The following ATP7A variants were observed in gnomAD, a reference collection of about 807,000 sequenced individuals.
ATP7A encodes ATPase copper transporting alpha.
ATP7A carries 7 observed loss-of-function variants against 83.5 expected under a neutral mutation model. That is an observed-to-expected ratio of 0.08 (90% CI 0.05 to 0.16). ATP7A has a LOEUF of 0.16. Among genes scored for constraint, ATP7A ranks in the 10% least tolerant of loss-of-function variants. The pLI is 1.00. For synonymous variants in ATP7A, 354 were observed against 395.2 expected (o/e 0.90, Z 1.24); for missense variants, 940 against 1,120.8 (o/e 0.84, Z 2.30).
chrX:78,009,411 T>A, intron 7 of ATP7A, 148 bp downstream of exon 7: 1 of 700,102 alleles, frequency 1.4e-6, no homozygotes, highest in Non-Finnish European at 2.2e-6. Flanking sequence ...AAATTTAATG[T>A]AAACGTGTCT....
chrX:78,023,999 C>G (rs1457419664), intron 14 of ATP7A, among the ~76,000 whole-genome samples: 2 of 111,264 alleles, frequency 1.8e-5, no homozygotes, highest in African/African-American at 6.5e-5. Context: ...AGTCCAGTTT[C>G]ATTCTTCTGC....
At chrX:78,045,718 C>A in intron 22 of ATP7A, 146 bp downstream of exon 22, 1 of 593,848 alleles carries the variant, frequency 1.7e-6, no homozygotes, top group Non-Finnish European at 2.7e-6. Flanking sequence ...CGTGGTGGCT[C>A]ACACCTGTAA....
intron 1 of ATP7A, chrX:77,964,668 T>G (rs1246922353): frequency 9.1e-6 from 1 of 109,805 alleles, no homozygotes; most frequent in Non-Finnish European, 1.9e-5. Flanking sequence ...ACATGCAGTG[T>G]TTGGTTTTCT....
intron 1 of ATP7A, chrX:77,969,263 T>C: frequency 8.3e-7 from 1 of 1,211,814 alleles, no homozygotes; most frequent in East Asian, 3.0e-5. Flanking sequence ...TCGGGCTCCA[T>C]CGGAGGTGGT....
chrX:77,938,745 A>C (rs1392553453), intron 1 of ATP7A, among the ~76,000 whole-genome samples: 2 of 112,524 alleles, frequency 1.8e-5, no homozygotes, highest in Non-Finnish European at 3.7e-5. Flanking sequence ...AGCACAGATT[A>C]TAAGAGTACT....
chrX:77,974,913 A>G (rs781951831), intron 2 of ATP7A: 1 of 268,114 alleles, frequency 3.7e-6, no homozygotes, highest in African/African-American at 2.8e-5. Context: ...GTTTTAGGGT[A>G]CATGTGCACA....
chrX:77,981,257 C>A (rs2077604083), intron 2 of ATP7A, among the ~76,000 whole-genome samples: 1 of 111,072 alleles, frequency 9.0e-6, no homozygotes, highest in Non-Finnish European at 1.9e-5. Flanking sequence ...GTAACATAGG[C>A]ATTTTTATTA....
intron 1 of ATP7A, among the ~76,000 whole-genome samples, chrX:77,949,407 G>A (rs542895043): frequency 8.9e-6 from 1 of 111,889 alleles, no homozygotes. Flanking sequence ...GTCGCTTCAC[G>A]TACAGCTATT....
intron 1 of ATP7A, among the ~76,000 whole-genome samples, chrX:77,931,465 T>G (rs2077274271): frequency 8.9e-6 from 1 of 112,223 alleles, no homozygotes; most frequent in Admixed American, 9.3e-5. Flanking sequence ...TCCCCACCTT[T>G]CCTCCCTTTC....
At chrX:77,994,126 C>T (rs782682553) in intron 4 of ATP7A, among the ~76,000 whole-genome samples, 8 of 110,663 alleles carry the variant, frequency 7.2e-5, no homozygotes, top group South Asian at 3.8e-4. Flanking sequence ...AGTGCAATGG[C>T]GCAATCTCGG....
intron 1 of ATP7A, among the ~76,000 whole-genome samples, chrX:77,940,151 A>G (rs1375988219): frequency 9.0e-6 from 1 of 111,355 alleles, no homozygotes; most frequent in African/African-American, 3.3e-5. Flanking sequence ...CAACAATTTT[A>G]AAAAGTAACA....
At chrX:77,926,229 C>A (rs1557223539) in intron 1 of ATP7A, among the ~76,000 whole-genome samples, 1 of 112,019 alleles carries the variant, frequency 8.9e-6, no homozygotes, top group Non-Finnish European at 1.9e-5. Flanking sequence ...ATGCATGCAT[C>A]CTACAAAGGC....
chrX:77,930,231 G>A (rs145362163), intron 1 of ATP7A, among the ~76,000 whole-genome samples: 1,410 of 111,507 alleles, frequency 0.013, 11 homozygotes, highest in South Asian at 0.048. Flanking sequence ...GAAGGGATTG[G>A]ACCTCTTAGT....
chrX:77,972,494 G>A (rs1478860893), intron 2 of ATP7A, among the ~76,000 whole-genome samples: 1 of 111,459 alleles, frequency 9.0e-6, no homozygotes, highest in Non-Finnish European at 1.9e-5. Context: ...TGGGATTACA[G>A]GCATGCGCCA....
chrX:78,021,831 C>A (rs950496331), intron 14 of ATP7A, among the ~76,000 whole-genome samples: 5 of 111,637 alleles, frequency 4.5e-5, no homozygotes, highest in African/African-American at 1.6e-4. Context: ...AGGTTGAAAA[C>A]TTTCAAGCCT....
intron 1 of ATP7A, among the ~76,000 whole-genome samples, chrX:77,967,138 T>C (rs2077512234): frequency 1.8e-5 from 2 of 111,909 alleles, no homozygotes; most frequent in African/African-American, 6.5e-5. Flanking sequence ...ACATTTTCTT[T>C]CTCCAGTCTA....
At chrX:77,934,637 C>T (rs781988546) in intron 1 of ATP7A, among the ~76,000 whole-genome samples, 1 of 110,712 alleles carries the variant, frequency 9.0e-6, no homozygotes, top group African/African-American at 3.3e-5. Context: ...CAACCCATCA[C>T]ATGAGGTCGG....
chrX:78,007,125 C>T (rs1417697924), intron 6 of ATP7A, among the ~76,000 whole-genome samples: 1 of 111,713 alleles, frequency 9.0e-6, no homozygotes, highest in African/African-American at 3.3e-5. Context: ...CATATCCCCA[C>T]CAACATTGTA....
At chrX:77,934,407 G>T (rs782086781) in intron 1 of ATP7A, among the ~76,000 whole-genome samples, 1 of 111,656 alleles carries the variant, frequency 9.0e-6, no homozygotes, top group African/African-American at 3.3e-5. Context: ...GATAGAGCAA[G>T]ACCCTGTATC....
Sources: gnomAD v4.1 joint callset for allele counts (sites outside exome capture counted in the v4.1 genomes callset) on GRCh38, gnomAD v4.1.1 for gene constraint, MANE v1.5 for transcripts, NCBI Gene and HGNC (gene_info 2026-07-23, HGNC 2026-07-21) for gene names.